Variants in SETD1B observed in about 807,000 individuals in gnomAD.
The protein encoded by SETD1B is histone-lysine N-methyltransferase SETD1B.
A neutral mutation model predicts 148.0 loss-of-function variants in SETD1B; 7 were observed. The observed-to-expected ratio is 0.05, with a 90% CI of 0.03 to 0.09. SETD1B has a LOEUF of 0.09. Among genes scored for constraint, SETD1B ranks in the 10% least tolerant of loss-of-function variants. The pLI is 1.00. For synonymous variants in SETD1B, 1,361 were observed against 1,186.5 expected, an observed-to-expected ratio of 1.15 and a Z score of -3.02; for missense variants, 2,155 against 2,729.9, an observed-to-expected ratio of 0.79 and a Z score of 4.69.
the SETD1B span, among the ~76,000 whole-genome samples, chr12:121,798,040 A>G: frequency 6.6e-6 from 1 of 152,216 alleles, no homozygotes; most frequent in African/African-American, 2.4e-5. Context: ...CCAACCAGAC[A>G]GTCCCGGGCA....
chr12:121,792,723 G>T, the SETD1B span, among the ~76,000 whole-genome samples: 12 of 152,312 alleles, frequency 7.9e-5, no homozygotes, highest in African/African-American at 2.9e-4. Flanking sequence ...TCTGCAGCCG[G>T]GAGCATCCCA....
Position 121,810,504 on chromosome 12 carries a change from C to T in SETD1B, c.1559C>T (p.Pro520Leu), listed in dbSNP as rs747865416. The T allele has an allele frequency of 1.3e-6, 2 of 1,546,346 alleles. No individual in the cohort carries two copies. Among genetic ancestry groups the T allele is most frequent in the South Asian group, 1.2e-5 (1 of 84,070 alleles). ...QRTKLLFLRE[P>L]DSDTELQMEG... Reference sequence around the variant, plus strand: ...ACCAAGCTGCTCTTCCTGAGGGAGCCGGACTCGGACACCGAGCTGCAGATG... The same window carrying T: ...ACCAAGCTGCTCTTCCTGAGGGAGCTGGACTCGGACACCGAGCTGCAGATG... The change falls in exon 6 of 17, where the codon CCG becomes CTG. Residue 520 changes from proline to leucine, a missense_variant. Pro to Leu is a moderately conservative substitution (Grantham distance 98, BLOSUM62 -3). Around this residue, in one of 11 missense-constraint regions of SETD1B, gnomAD observed 295 missense variants for 303.8 expected, o/e 0.97. Coordinates refer to ENST00000604567, the MANE Select transcript of SETD1B (RefSeq NM_001353345.2). The surrounding 1 kb of genome is among the most constrained non-coding windows in gnomAD (Gnocchi z 7.6).
At chr12:121,815,823 C>CTTTTTTTTTT (rs994063316) in intron 7 of SETD1B, among the ~76,000 whole-genome samples, 27 of 118,148 alleles carry the variant, frequency 2.3e-4, no homozygotes, top group East Asian at 4.7e-4. Flanking sequence ...TCTTTTCTTT[C>CTTTTTTTTTT]TTTTTTTTTT....
In SETD1B at chr12:121,808,342, T is replaced by C; in HGVS notation, c.657+22T>C. 1.3e-6 allele frequency: 2 copies of C among 1,513,214 alleles called. No homozygotes were observed. The highest frequency in any genetic ancestry group is 1.8e-6 in the Non-Finnish European group (2 of 1,113,222). 93.7% of individuals were successfully genotyped at this position (1,513,214 alleles called of 1,614,324 possible). A position where few individuals can be genotyped will look rare whatever the true frequency, so the allele number is the denominator to read the frequency against. ...GCAGGTGGGTTTATGGCCGTCAGTC[T>C]GCCCCATCGCCAGCTCTTTGATGTG... is the stretch of plus-strand genomic sequence containing the variant. On this transcript the variant is annotated intron_variant, in intron 5 of 16. Coordinates refer to ENST00000604567, the MANE Select transcript of SETD1B (RefSeq NM_001353345.2). The surrounding 1 kb of genome is among the most constrained non-coding windows in gnomAD (Gnocchi z 5.3).
At chr12:121,825,471 GAGGGGC>G in intron 13 of SETD1B, 105 bp downstream of exon 13, 1 of 1,087,036 alleles carries the variant, frequency 9.2e-7, no homozygotes, top group Non-Finnish European at 1.3e-6. Flanking sequence ...TGTGAGGCCA[GAGGGGC>G]TGGCACACAG....
chr12:121,829,085 G>T (rs2137592064), intron 16 of SETD1B, among the ~76,000 whole-genome samples: 1 of 152,252 alleles, frequency 6.6e-6, no homozygotes, highest in Admixed American at 6.5e-5. Flanking sequence ...CAGTGGGCAT[G>T]GGGTGGGGTA....
chr12:121,817,968 G>A lies in SETD1B; in HGVS notation c.3418+64G>A. 7.0e-7 allele frequency: 1 copy of A among 1,433,488 alleles called. No individual in the cohort carries two copies. The highest frequency in any genetic ancestry group is 9.3e-7 in the Non-Finnish European group (1 of 1,077,864). The allele number at this position is 1,433,488 out of a possible 1,614,324, so 88.8% of individuals were successfully genotyped here. ...TCCCTCTTTCCCCGGGGCAGAGCCT[G>A]AGCAATTGTCAGAAATACTTCTGAG... On this transcript the variant is annotated intron_variant, in intron 10 of 16. Transcript: ENST00000604567. This position sits in a 1 kb window ranked among gnomAD's most constrained non-coding sequence, Gnocchi z 8.1.
Position 121,814,663 on chromosome 12 carries a change from C to G in SETD1B, c.2448C>G (p.Pro816=), listed in dbSNP as rs902699835. The change falls in exon 7 of 17, where the codon CCC becomes CCG. Residue 816 remains proline (P), a synonymous_variant. Transcript: ENST00000604567. The part of the protein sequence containing the change: ...SAGLQFVNLP[P]YRGPFSLSNS... ...GGCTCCAGTTTGTCAACCTGCCGCC[C>G]TACCGGGGCCCCTTCTCCCTGAGCA... is the stretch of plus-strand genomic sequence containing the variant. 5.4e-5 allele frequency: 84 copies of G among 1,549,192 alleles called. No individual in the cohort carries two copies. The Middle Eastern group carries it at 8.3e-4, about 15-fold the overall frequency.
Position 121,810,638 on chromosome 12 carries a change from T to A in SETD1B, c.1693T>A (p.Ser565Thr), listed in dbSNP as rs777138627. Residue 565 changes from serine (S) to threonine (T), a missense_variant, in exon 6 of 17, where the codon TCC (serine) becomes ACC (threonine). This residue lies in a region of SETD1B where 295 missense variants were observed against 303.8 expected (regional missense o/e 0.97). Coordinates refer to ENST00000604567, the MANE Select transcript of SETD1B (RefSeq NM_001353345.2). The surrounding 1 kb of genome is among the most constrained non-coding windows in gnomAD (Gnocchi z 7.6). ...RGPTPPSSRPSSTGLEDISPT... is the reference protein window; with the variant it reads ...RGPTPPSSRPTSTGLEDISPT... ...CCCCACGCCCCCCTCGTCACGCCCC[T>A]CCAGCACCGGCCTGGAGGATATCAG... 6.5e-7 allele frequency: 1 copy of A among 1,548,634 alleles called. No homozygotes were observed. The highest frequency in any genetic ancestry group is 1.2e-5 in the South Asian group (1 of 83,970).
Position 121,830,365 on chromosome 12 carries a change from C to A in SETD1B, c.*126C>A. The A allele has an allele frequency of 1.1e-6, 1 of 909,190 alleles. No individual in the cohort carries two copies. The highest frequency in any genetic ancestry group is 1.6e-6 in the Non-Finnish European group (1 of 621,974). 56.3% of individuals were successfully genotyped at this position (909,190 alleles called of 1,614,324 possible). ...CAGGTGCTGTCCTCTACCCAGCGGC[C>A]ATTCAGGGCCTGGCGCCCCACACTA... On this transcript the variant is annotated 3_prime_UTR_variant, in exon 17 of 17. Transcript: ENST00000604567. This position sits in a 1 kb window ranked among gnomAD's most constrained non-coding sequence, Gnocchi z 5.7.
intron 5 of SETD1B, 77 bp from the exon 6 acceptor site, chr12:121,809,526 C>A (rs941178323): frequency 7.0e-6 from 10 of 1,438,536 alleles, no homozygotes; most frequent in African/African-American, 1.4e-5. Context: ...TTCCCAGCAG[C>A]CAGAGTGAGA....
At chr12:121,815,149 A>G (rs568675611) in intron 7 of SETD1B, among the ~76,000 whole-genome samples, 5 of 152,302 alleles carry the variant, frequency 3.3e-5, no homozygotes, top group African/African-American at 9.6e-5. Context: ...ATGAGTGGCC[A>G]GGCATGGTGG....
chr12:121,798,780 C>A, the SETD1B span, among the ~76,000 whole-genome samples: 3 of 152,190 alleles, frequency 2.0e-5, no homozygotes, highest in African/African-American at 7.2e-5. Context: ...TCAAAGCAAT[C>A]ACAAAGCAGA....
rs575877388 is a variant in SETD1B, at chr12:121,830,394, C to T, written c.*155C>T. On this transcript the variant is annotated 3_prime_UTR_variant, in exon 17 of 17. Transcript: ENST00000604567. This position sits in a 1 kb window ranked among gnomAD's most constrained non-coding sequence, Gnocchi z 5.7. ...CAGGGCCTGGCGCCCCACACTACCCCCTGGAGCCCCTGGCTCCGGCCCCTC... is the reference window on the plus strand; with the variant it reads ...CAGGGCCTGGCGCCCCACACTACCCTCTGGAGCCCCTGGCTCCGGCCCCTC... 1.6e-6 allele frequency: 1 copy of T among 640,456 alleles called. No homozygotes were observed. The highest frequency in any genetic ancestry group is 3.1e-5 in the Admixed American group (1 of 32,280). The allele number at this position is 640,456 out of a possible 1,614,324, so 39.7% of individuals were successfully genotyped here. A position where few individuals can be genotyped will look rare whatever the true frequency, so the allele number is the denominator to read the frequency against.
At position 121,819,532 on chromosome 12, in the gene SETD1B, G is replaced by A. The variant is rs1489668791; in HGVS notation, c.3547G>A (p.Ala1183Thr). 1 of 1,552,500 alleles carries A rather than the reference G, an allele frequency of 6.4e-7. No homozygotes were observed. Among genetic ancestry groups the A allele is most frequent in the South Asian group, 1.2e-5 (1 of 84,054 alleles). The change falls in exon 11 of 17, where the codon GCC (alanine) becomes ACC (threonine). Residue 1183 changes from alanine (A) to threonine (T), a missense_variant. Ala to Thr is a moderately conservative substitution (Grantham distance 58). Transcript: ENST00000604567. ...CTCGGAGGATGAGGAGGAGGTAGTG[G>A]CCAGGGAAGAGGAGGAAGAAGAGGA... ...SSSEDEEEVVAREEEEEEEEE... is the reference protein window; with the variant it reads ...SSSEDEEEVVTREEEEEEEEE...
chr12:121,820,626 C>G (rs1036015950), intron 11 of SETD1B, among the ~76,000 whole-genome samples: 5 of 152,068 alleles, frequency 3.3e-5, no homozygotes, highest in Non-Finnish European at 7.4e-5. Context: ...CTCCGCCTCC[C>G]AGGTTCACGC....
chr12:121,819,159 G>T (rs1045744514), intron 10 of SETD1B, among the ~76,000 whole-genome samples: 1 of 152,068 alleles, frequency 6.6e-6, no homozygotes, highest in Non-Finnish European at 1.5e-5. Flanking sequence ...CAGGAGAATC[G>T]CTTGAACCCA....
rs1190310679 is a variant in SETD1B at position 121,830,865 on chromosome 12, C to G, written c.*626C>G. 6 of 152,448 alleles carry G rather than the reference C, an allele frequency of 3.9e-5. No individual in the cohort carries two copies. Among genetic ancestry groups the G allele is most frequent in the Non-Finnish European group, 8.8e-5 (6 of 68,306 alleles). 9.4% of individuals were successfully genotyped at this position (152,448 alleles called of 1,614,324 possible). ...GCCCGTGGGCACAGTGAGGAGACCC[C>G]ACACCTTTCCCCACCCGAGCTGCAG... On this transcript the variant is annotated 3_prime_UTR_variant, in exon 17 of 17. Transcript: ENST00000604567. The surrounding 1 kb of genome is among the most constrained non-coding windows in gnomAD (Gnocchi z 5.7).
Position 121,804,473 on chromosome 12 carries a change from C to T in SETD1B, c.-15+240C>T, listed in dbSNP as rs868174811. ...GCGCCCCGGGCCCCGCCAGCCCGCCCAGGGGACCCCCGGGAGCCCCTCGCT... is the reference window on the plus strand; with the variant it reads ...GCGCCCCGGGCCCCGCCAGCCCGCCTAGGGGACCCCCGGGAGCCCCTCGCT... On this transcript the variant is annotated intron_variant, in intron 1 of 16. Transcript: ENST00000604567. The surrounding 1 kb of genome is among the most constrained non-coding windows in gnomAD (Gnocchi z 4.6). 6.6e-6 allele frequency among the ~76,000 whole-genome samples: 1 copy of T among 150,586 alleles called. No homozygotes were observed. Among genetic ancestry groups the T allele is most frequent in the Non-Finnish European group, 1.5e-5 (1 of 67,478 alleles).
Sources: allele counts gnomAD v4.1 joint callset (sites outside exome capture counted in the v4.1 genomes callset), GRCh38; gene constraint gnomAD v4.1.1; regional missense constraint gnomAD v4.1.1; non-coding constraint Gnocchi (gnomAD v3.1); transcripts MANE v1.5; gene names NCBI Gene and HGNC (gene_info 2026-07-23, HGNC 2026-07-21).